The following CACNA2D1 variants were observed in gnomAD, a reference collection of about 807,000 sequenced individuals.
The protein encoded by CACNA2D1 is calcium voltage-gated channel auxiliary subunit alpha2delta 1.
CACNA2D1 carries 53 observed loss-of-function variants against 171.5 expected under a neutral mutation model. The observed-to-expected ratio is 0.31, with a 90% confidence interval of 0.25 to 0.39. The LOEUF (loss-of-function observed/expected upper bound fraction) is 0.39. CACNA2D1 is among the 10% of genes least tolerant of loss of function. The pLI, the probability that CACNA2D1 is intolerant of heterozygous loss-of-function variation, is 1.00. For missense variants in CACNA2D1, 903 were observed against 1,299.8 expected (o/e 0.69, Z 4.69); for synonymous variants, 442 against 443.1 (o/e 1.00, Z 0.03).
At chr7:81,985,196 C>CTTTTTTTTTTTTTTTT (rs774555240) in intron 21 of CACNA2D1, among the ~76,000 whole-genome samples, 3 of 104,192 alleles carry the variant, frequency 2.9e-5, no homozygotes, top group African/African-American at 8.2e-5. Flanking sequence ...ATTATCATTA[C>CTTTTTTTTTTTTTTTT]TTTTTTTTTT....
chr7:82,328,654 G>T (rs1043205061), intron 3 of CACNA2D1, among the ~76,000 whole-genome samples: 1 of 151,830 alleles, frequency 6.6e-6, no homozygotes, highest in African/African-American at 2.4e-5. Context: ...AAATTTCATG[G>T]ATTTCTGCTT....
At chr7:81,970,570 G>A in intron 27 of CACNA2D1, 105 bp downstream of exon 27, 1 of 757,666 alleles carries the variant, frequency 1.3e-6, no homozygotes, top group South Asian at 1.4e-5. Flanking sequence ...GTAATCTAAT[G>A]GCAATCAGTT....
intron 7 of CACNA2D1, among the ~76,000 whole-genome samples, chr7:82,071,192 T>G (rs1195205245): frequency 6.6e-6 from 1 of 152,178 alleles, no homozygotes; most frequent in African/African-American, 2.4e-5. Flanking sequence ...AAAAGCTGTT[T>G]AGCCTCAAGC....
intron 7 of CACNA2D1, among the ~76,000 whole-genome samples, chr7:82,067,148 TAATTG>T (rs1667981754): frequency 6.6e-6 from 1 of 152,214 alleles, no homozygotes; most frequent in African/African-American, 2.4e-5. Flanking sequence ...TAACTTCATC[TAATTG>T]TATTGATTTT....
chr7:82,036,909 C>G (rs1322830516), intron 11 of CACNA2D1, among the ~76,000 whole-genome samples: 1 of 152,018 alleles, frequency 6.6e-6, no homozygotes, highest in African/African-American at 2.4e-5. Flanking sequence ...GACCATGACT[C>G]CAATACCACC....
At chr7:82,224,326 G>A (rs962796786) in intron 3 of CACNA2D1, among the ~76,000 whole-genome samples, 1 of 152,092 alleles carries the variant, frequency 6.6e-6, no homozygotes, top group African/African-American at 2.4e-5. Flanking sequence ...AGTGGCTCAC[G>A]CCTGTAATGC....
At chr7:82,034,961 T>C (rs1261215625) in intron 11 of CACNA2D1, among the ~76,000 whole-genome samples, 2 of 152,154 alleles carry the variant, frequency 1.3e-5, no homozygotes, top group Admixed American at 6.6e-5. Flanking sequence ...CTCTCAGGAC[T>C]TGTGGTGGAG....
At chr7:82,165,042 G>A (rs1795296544) in intron 4 of CACNA2D1, among the ~76,000 whole-genome samples, 1 of 151,890 alleles carries the variant, frequency 6.6e-6, no homozygotes. Context: ...CTGCATGGCT[G>A]AAATTTTTAG....
intron 10 of CACNA2D1, among the ~76,000 whole-genome samples, chr7:82,045,791 T>C (rs1804483721): frequency 1.3e-5 from 2 of 152,136 alleles, no homozygotes; most frequent in African/African-American, 4.8e-5. Flanking sequence ...TTCAACAAGC[T>C]ACAGTTTTAG....
intron 4 of CACNA2D1, among the ~76,000 whole-genome samples, chr7:82,150,316 CT>C (rs1554432590): frequency 6.9e-4 from 89 of 128,572 alleles, no homozygotes; most frequent in East Asian, 9.8e-4. Context: ...GGTTCATCTA[CT>C]TTTTTTTTCC....
chr7:81,963,924 T>C (rs561367470), intron 34 of CACNA2D1, 132 bp downstream of exon 34: 6 of 717,926 alleles, frequency 8.4e-6, no homozygotes, highest in East Asian at 5.4e-5. Flanking sequence ...CAATAGGTGA[T>C]GTAAAGAATG....
chr7:82,431,808 G>T (rs1350025256), intron 1 of CACNA2D1, among the ~76,000 whole-genome samples: 1 of 152,020 alleles, frequency 6.6e-6, no homozygotes, highest in Non-Finnish European at 1.5e-5. Flanking sequence ...GGAGGTTGAG[G>T]TGGGTGGATT....
At chr7:82,112,079 T>C (rs28575160) in intron 6 of CACNA2D1, among the ~76,000 whole-genome samples, 3,005 of 152,254 alleles carry the variant, frequency 0.02, 99 homozygotes, top group African/African-American at 0.069. Context: ...ATTAACTCTA[T>C]AGTTTCTGCC....
At chr7:82,322,451 C>CAAAAAAAA (rs11440104) in intron 3 of CACNA2D1, among the ~76,000 whole-genome samples, 1 of 103,910 alleles carries the variant, frequency 9.6e-6, no homozygotes, top group Non-Finnish European at 1.9e-5. Flanking sequence ...CCTGGCTTTA[C>CAAAAAAAA]AAAAAAAAAA....
At chr7:82,246,585 G>T (rs1005512833) in intron 3 of CACNA2D1, among the ~76,000 whole-genome samples, 2 of 152,116 alleles carry the variant, frequency 1.3e-5, no homozygotes, top group Non-Finnish European at 2.9e-5. Context: ...TTTGTTTGCA[G>T]AGTAGGGAGA....
At chr7:82,244,011 A>C (rs1227843528) in intron 3 of CACNA2D1, among the ~76,000 whole-genome samples, 1 of 152,158 alleles carries the variant, frequency 6.6e-6, no homozygotes, top group African/African-American at 2.4e-5. Flanking sequence ...ATTAATTTAG[A>C]TGTAGAAACT....
chr7:82,138,047 GAATAT>G (rs1279063723), intron 4 of CACNA2D1, among the ~76,000 whole-genome samples: 1 of 152,030 alleles, frequency 6.6e-6, no homozygotes, highest in Non-Finnish European at 1.5e-5. Context: ...TATGACTTTA[GAATAT>G]AATAAAGTTA....
intron 3 of CACNA2D1, among the ~76,000 whole-genome samples, chr7:82,196,816 ATT>A (rs549687950): frequency 6.8e-6 from 1 of 147,064 alleles, no homozygotes; most frequent in African/African-American, 2.5e-5. Flanking sequence ...CATCTGGTAC[ATT>A]TTTTTTTTTT....
chr7:82,031,648 T>A (rs1040574953), intron 12 of CACNA2D1, among the ~76,000 whole-genome samples: 1 of 151,972 alleles, frequency 6.6e-6, no homozygotes, highest in African/African-American at 2.4e-5. Flanking sequence ...CAAATACTCA[T>A]AGGCCGAAAA....
Sources: gnomAD v4.1 joint callset for allele counts (sites outside exome capture counted in the v4.1 genomes callset) on GRCh38, gnomAD v4.1.1 for gene constraint, MANE v1.5 for transcripts, NCBI Gene and HGNC (gene_info 2026-07-23, HGNC 2026-07-21) for gene names.